NALF1: variants seen among roughly 807,000 people sequenced by gnomAD.
NALF1 encodes family with sequence similarity 155 member A.
A neutral mutation model predicts 48.4 loss-of-function variants in NALF1; 3 were observed. The observed-to-expected ratio is 0.06, with a 90% CI of 0.03 to 0.16. The LOEUF (loss-of-function observed/expected upper bound fraction) is 0.16, where lower values mean the gene tolerates loss of function less well. Ranked by LOEUF, NALF1 falls within the 10% of genes least tolerant of loss-of-function variation. The probability of loss-of-function intolerance (pLI) is 1.00; values close to 1 mark genes in which losing one functional copy is unlikely to be tolerated. For synonymous variants in NALF1, 262 were observed against 245.7 expected (o/e 1.07, Z -0.62); for missense variants, 526 against 571.5 (o/e 0.92, Z 0.81).
intron 1 of NALF1, among the ~76,000 whole-genome samples, chr13:107,768,099 T>G (rs1877468010): frequency 6.6e-6 from 1 of 152,162 alleles, no homozygotes; most frequent in Admixed American, 6.5e-5. Flanking sequence ...GGCCTGTCAC[T>G]TCAATCGTCT....
At chr13:107,775,484 T>C (rs1877705241) in intron 1 of NALF1, among the ~76,000 whole-genome samples, 3 of 151,962 alleles carry the variant, frequency 2.0e-5, no homozygotes, top group African/African-American at 7.3e-5. Context: ...GTTCCAAGTC[T>C]TTGCTATTGT....
chr13:107,637,229 A>G (rs1880003061), intron 1 of NALF1, among the ~76,000 whole-genome samples: 1 of 146,302 alleles, frequency 6.8e-6, no homozygotes, highest in African/African-American at 2.4e-5. Context: ...GCATAACTGT[A>G]TATTGTATTT....
intron 1 of NALF1, among the ~76,000 whole-genome samples, chr13:107,251,382 T>C (rs1396939723): frequency 6.6e-6 from 1 of 152,182 alleles, no homozygotes; most frequent in African/African-American, 2.4e-5. Context: ...TTTTACAAGA[T>C]GAAAATTTCC....
intron 1 of NALF1, among the ~76,000 whole-genome samples, chr13:107,799,490 T>G (rs1479469838): frequency 1.3e-5 from 2 of 152,306 alleles, no homozygotes; most frequent in African/African-American, 2.4e-5. Context: ...ATGGAAATGA[T>G]GAAGTCAGCT....
At chr13:107,715,751 G>A (rs1018293142) in intron 1 of NALF1, among the ~76,000 whole-genome samples, 3 of 152,178 alleles carry the variant, frequency 2.0e-5, no homozygotes, top group Non-Finnish European at 2.9e-5. Context: ...GGCCTCTCAC[G>A]TCTTTACACT....
intron 2 of NALF1, among the ~76,000 whole-genome samples, chr13:107,202,032 T>C (rs1445043192): frequency 6.6e-6 from 1 of 152,192 alleles, no homozygotes; most frequent in East Asian, 1.9e-4. Flanking sequence ...TGTCAGATGA[T>C]AACATAATAA....
At chr13:107,209,206 A>G (rs1010081689) in intron 2 of NALF1, among the ~76,000 whole-genome samples, 1 of 152,186 alleles carries the variant, frequency 6.6e-6, no homozygotes, top group African/African-American at 2.4e-5. Context: ...CTTGGGCAGC[A>G]TAAGAAATAC....
chr13:107,818,896 A>AAAAAAAAAACC (rs1879269864), intron 1 of NALF1, among the ~76,000 whole-genome samples: 1 of 141,106 alleles, frequency 7.1e-6, no homozygotes, highest in African/African-American at 2.8e-5. Context: ...AAAAAAAAAA[A>AAAAAAAAAACC]TCCAGTTGAG....
chr13:107,681,151 G>A (rs974440943), intron 1 of NALF1, among the ~76,000 whole-genome samples: 15 of 152,016 alleles, frequency 9.9e-5, no homozygotes, highest in Non-Finnish European at 8.8e-5. Flanking sequence ...CAAAATACCC[G>A]GCCATACATG....
At chr13:107,708,239 A>G (rs927908317) in intron 1 of NALF1, among the ~76,000 whole-genome samples, 2 of 152,122 alleles carry the variant, frequency 1.3e-5, no homozygotes, top group Non-Finnish European at 2.9e-5. Flanking sequence ...AAGAAGAATG[A>G]TCCTTATTTA....
At chr13:107,777,630 A>C (rs987548743) in intron 1 of NALF1, among the ~76,000 whole-genome samples, 5 of 152,162 alleles carry the variant, frequency 3.3e-5, no homozygotes, top group African/African-American at 1.2e-4. Flanking sequence ...AAGCTTCCTG[A>C]GGCCTCCCCA....
intron 1 of NALF1, among the ~76,000 whole-genome samples, chr13:107,436,196 C>T (rs1884461751): frequency 6.6e-6 from 1 of 152,154 alleles, no homozygotes; most frequent in Middle Eastern, 3.2e-3. Flanking sequence ...AACCTGTTCT[C>T]AGAAATAAGA....
chr13:107,625,402 G>A (rs546496251), intron 1 of NALF1, among the ~76,000 whole-genome samples: 4 of 152,180 alleles, frequency 2.6e-5, no homozygotes, highest in African/African-American at 9.6e-5. Context: ...TGTCTTAAGT[G>A]ATAAACTATT....
At chr13:107,499,236 T>G (rs1211741860) in intron 1 of NALF1, among the ~76,000 whole-genome samples, 1 of 152,208 alleles carries the variant, frequency 6.6e-6, no homozygotes, top group African/African-American at 2.4e-5. Flanking sequence ...TCATAAATAC[T>G]GAAAGTATTC....
At chr13:107,373,075 G>A (rs1484661036) in intron 1 of NALF1, among the ~76,000 whole-genome samples, 1 of 152,144 alleles carries the variant, frequency 6.6e-6, no homozygotes, top group East Asian at 1.9e-4. Context: ...AATTATGTGA[G>A]TTACATAATC....
intron 1 of NALF1, among the ~76,000 whole-genome samples, chr13:107,578,431 G>A (rs995147990): frequency 5.3e-5 from 8 of 152,048 alleles, no homozygotes; most frequent in African/African-American, 1.9e-4. Context: ...ATCCTTTCTT[G>A]TGATGTTTTC....
chr13:107,464,965 T>C (rs1884977742), intron 1 of NALF1, among the ~76,000 whole-genome samples: 1 of 152,114 alleles, frequency 6.6e-6, no homozygotes, highest in Non-Finnish European at 1.5e-5. Context: ...CATTATAAGA[T>C]AGGCTTTATT....
rs367813476 is a variant in NALF1 at position 107,446,013 on chromosome 13, G to A, written c.916-235258C>T. ...GAGTGCAGTGGCGCAATCTTAGTGC[G>A]CTGCAACCTCCGCTTCCCGGGTTCA... is the stretch of plus-strand genomic sequence containing the variant. On this transcript the variant is annotated intron_variant, in intron 1 of 2. Coordinates refer to ENST00000375915, the MANE Select transcript of NALF1 (RefSeq NM_001080396.3). Among the ~76,000 whole-genome samples, 19 of 152,080 alleles carry A rather than the reference G, an allele frequency of 1.2e-4. 1 individual carries two copies. Among genetic ancestry groups the A allele is most frequent in the African/African-American group, 3.9e-4 (16 of 41,504 alleles).
intron 1 of NALF1, among the ~76,000 whole-genome samples, chr13:107,551,194 C>T (rs1434734901): frequency 6.6e-6 from 1 of 152,112 alleles, no homozygotes; most frequent in Non-Finnish European, 1.5e-5. Flanking sequence ...TGAACGAAGA[C>T]ATCTGTTACC....
Sources: allele counts gnomAD v4.1 joint callset (sites outside exome capture counted in the v4.1 genomes callset), GRCh38; gene constraint gnomAD v4.1.1; transcripts MANE v1.5; gene names NCBI Gene and HGNC (gene_info 2026-07-23, HGNC 2026-07-21).